The following CFAP299 variants were observed in gnomAD, a reference collection of about 807,000 sequenced individuals.
The protein encoded by CFAP299 is cilia- and flagella-associated protein 299.
A neutral mutation model predicts 27.0 loss-of-function variants in CFAP299; 21 were observed. The observed-to-expected ratio is 0.78, with a 90% CI of 0.55 to 1.12. CFAP299 has a LOEUF of 1.12. Ranked by LOEUF, CFAP299 falls within the 50% of genes most tolerant of loss-of-function variation. The pLI is 0.00. For missense variants in CFAP299, 310 were observed against 276.6 expected (o/e 1.12, Z -0.86); for synonymous variants, 104 against 98.1 (o/e 1.06, Z -0.36).
intron 4 of CFAP299, among the ~76,000 whole-genome samples, chr4:80,893,857 G>A (rs1259721514): frequency 6.6e-6 from 1 of 151,780 alleles, no homozygotes; most frequent in Non-Finnish European, 1.5e-5. Flanking sequence ...AAGCAAAAAT[G>A]ACAAATGGAA....
At position 80,409,052 on chromosome 4, in the gene CFAP299, AAG is replaced by A. The variant is rs1422038648; in HGVS notation, c.242+46174_242+46175del. ...GAGACTCTTTCAAAAAAAAAAAAAA[AAG>A]AGAGAAAAATATAAACAACTGATAA... On this transcript the variant is annotated intron_variant, in intron 2 of 5. Coordinates refer to ENST00000358105, the MANE Select transcript of CFAP299 (RefSeq NM_152770.3). Among the ~76,000 whole-genome samples the A allele has an allele frequency of 4.7e-4, 71 of 151,458 alleles. No individual in the cohort carries two copies. In the Middle Eastern group the frequency reaches 0.01, roughly 22 times the overall value.
Position 80,375,934 on chromosome 4 carries a change from T to G in CFAP299, c.242+13050T>G, listed in dbSNP as rs1482508529. The stretch of plus-strand genomic sequence containing the variant: ...CCTAGCTAGGTAGCACATCCATTAT[T>G]TTTTATAATTCGTTTTTGAAAGTTA... On this transcript the variant is annotated intron_variant, in intron 2 of 5. Coordinates refer to ENST00000358105, the MANE Select transcript of CFAP299 (RefSeq NM_152770.3). 3.9e-5 allele frequency among the ~76,000 whole-genome samples: 6 copies of G among 152,246 alleles called. No homozygotes were observed. The East Asian group carries it at 1.2e-3, about 29-fold the overall frequency.
intron 3 of CFAP299, among the ~76,000 whole-genome samples, chr4:80,694,869 A>G (rs1219754211): frequency 1.3e-5 from 2 of 152,198 alleles, no homozygotes; most frequent in African/African-American, 4.8e-5. Context: ...TATATTATAA[A>G]TTTGAGAATT....
intron 4 of CFAP299, among the ~76,000 whole-genome samples, chr4:80,919,944 C>T (rs1735961972): frequency 6.6e-6 from 1 of 152,092 alleles, no homozygotes; most frequent in Admixed American, 6.6e-5. Flanking sequence ...AGGCTACAAA[C>T]ATTAGTTCTT....
At chr4:80,570,292 A>G (rs1425159366) in intron 2 of CFAP299, among the ~76,000 whole-genome samples, 1 of 152,064 alleles carries the variant, frequency 6.6e-6, no homozygotes, top group Admixed American at 6.6e-5. Flanking sequence ...ATTGGTATAT[A>G]TTCAAATTAG....
intron 3 of CFAP299, among the ~76,000 whole-genome samples, chr4:80,722,563 T>C (rs1302695164): frequency 6.6e-6 from 1 of 152,106 alleles, no homozygotes; most frequent in Admixed American, 6.5e-5. Context: ...AAAGTATATA[T>C]CTTTTAAAAG....
chr4:80,669,141 CTTTCTTTCTTTTTTTTT>C (rs1741314492), intron 3 of CFAP299, among the ~76,000 whole-genome samples: 2 of 30,724 alleles, frequency 6.5e-5, no homozygotes, highest in African/African-American at 1.2e-4. Context: ...GTCTTTCTTT[CTTTCTTTCTTTTTTTTT>C]TTTTTTTTTT....
intron 2 of CFAP299, among the ~76,000 whole-genome samples, chr4:80,531,569 A>G (rs1733465981): frequency 6.6e-6 from 1 of 152,110 alleles, no homozygotes; most frequent in South Asian, 2.1e-4. Context: ...AACCTCAAAG[A>G]TTATTTCAGA....
At chr4:80,542,435 G>C (rs971604959) in intron 2 of CFAP299, among the ~76,000 whole-genome samples, 5 of 152,154 alleles carry the variant, frequency 3.3e-5, no homozygotes, top group African/African-American at 9.7e-5. Context: ...CCCACTGAGA[G>C]AGGTTAGATA....
chr4:80,853,088 T>G (rs992048031), intron 3 of CFAP299, among the ~76,000 whole-genome samples: 3 of 152,190 alleles, frequency 2.0e-5, no homozygotes, highest in Admixed American at 6.5e-5. Flanking sequence ...TGGAGTGCAG[T>G]GGCATGATCT....
intron 1 of CFAP299, among the ~76,000 whole-genome samples, chr4:80,352,021 A>G (rs1390384023): frequency 1.3e-5 from 2 of 151,968 alleles, no homozygotes; most frequent in African/African-American, 4.8e-5. Context: ...TGTCTATATT[A>G]ATATCAGGCA....
intron 3 of CFAP299, among the ~76,000 whole-genome samples, chr4:80,646,988 AGTGTGTGT>A (rs1187314742): frequency 9.3e-4 from 29 of 31,112 alleles, no homozygotes; most frequent in Middle Eastern, 0.016. Context: ...AGAGAGAGAG[AGTGTGTGT>A]GTGTGTGTGT....
rs1731905696 is a variant in CFAP299, at chr4:80,504,481, ATATATATATATATATATATATATATT to A, written c.243-78610_243-78585del. 8.2e-5 allele frequency among the ~76,000 whole-genome samples: 10 copies of A among 121,808 alleles called. No individual in the cohort carries two copies. In the Admixed American group the frequency reaches 8.3e-4, roughly 10 times the overall value. The allele number at this position is 121,808 out of a possible 152,430, so 79.9% of individuals were successfully genotyped here. A position where few individuals can be genotyped will look rare whatever the true frequency, so the allele number is the denominator to read the frequency against. On this transcript the variant is annotated intron_variant, in intron 2 of 5. Transcript: ENST00000358105. ...ATCTCACATATATATATATATATATATATATATATATATATATATATATATTTTCCTTTGAAAGAATGCAATGAATT... is the reference window on the plus strand; with the variant it reads ...ATCTCACATATATATATATATATATATTCCTTTGAAAGAATGCAATGAATT...
intron 2 of CFAP299, among the ~76,000 whole-genome samples, chr4:80,393,368 G>C (rs1388935857): frequency 6.6e-6 from 1 of 152,102 alleles, no homozygotes; most frequent in Non-Finnish European, 1.5e-5. Flanking sequence ...TGTAAATTTA[G>C]TGTAGCCTAG....
intron 2 of CFAP299, among the ~76,000 whole-genome samples, chr4:80,393,239 G>T (rs550402890): frequency 4.6e-5 from 7 of 152,210 alleles, no homozygotes; most frequent in African/African-American, 9.6e-5. Flanking sequence ...GTGATTCTCT[G>T]TTTTAAGCTA....
intron 3 of CFAP299, among the ~76,000 whole-genome samples, chr4:80,598,686 G>T (rs978542264): frequency 2.0e-5 from 3 of 152,142 alleles, no homozygotes; most frequent in Admixed American, 2.0e-4. Context: ...GCAAATACCA[G>T]ATACTATAGG....
In CFAP299 at chr4:80,736,517, C is replaced by A. The variant is rs1388757763; in HGVS notation, c.334-133476C>A. 2.0e-5 allele frequency among the ~76,000 whole-genome samples: 3 copies of A among 151,786 alleles called. No individual in the cohort carries two copies. The East Asian group carries it at 5.8e-4, about 29-fold the overall frequency. On this transcript the variant is annotated intron_variant, in intron 3 of 5. Coordinates refer to ENST00000358105, the MANE Select transcript of CFAP299 (RefSeq NM_152770.3). ...AGTGGGCGAAGGACATGAACAGACACTTCTCAAAAGAAGACATTTATGCAG... is the reference window on the plus strand; with the variant it reads ...AGTGGGCGAAGGACATGAACAGACAATTCTCAAAAGAAGACATTTATGCAG...
chr4:80,628,770 A>G (rs1042877275), intron 3 of CFAP299, among the ~76,000 whole-genome samples: 1 of 152,182 alleles, frequency 6.6e-6, no homozygotes, highest in African/African-American at 2.4e-5. Context: ...TAAAAACACA[A>G]TGAGATATTA....
At chr4:80,545,320 G>A (rs1734173004) in intron 2 of CFAP299, among the ~76,000 whole-genome samples, 1 of 152,012 alleles carries the variant, frequency 6.6e-6, no homozygotes, top group Non-Finnish European at 1.5e-5. Flanking sequence ...ACAACTCTAA[G>A]GCTAACAGAA....
Sources: gnomAD v4.1 joint callset for allele counts (sites outside exome capture counted in the v4.1 genomes callset) on GRCh38, gnomAD v4.1.1 for gene constraint, MANE v1.5 for transcripts, NCBI Gene and HGNC (gene_info 2026-07-23, HGNC 2026-07-21) for gene names.